UTRN: variants seen among roughly 807,000 people sequenced by gnomAD.
UTRN encodes the protein utrophin, also known as dystrophin-related protein 1.
A neutral mutation model predicts 463.9 loss-of-function variants in UTRN; 283 were observed. The observed-to-expected ratio is 0.61, with a 90% CI of 0.55 to 0.67. UTRN has a LOEUF of 0.67. UTRN is among the 30% of genes least tolerant of loss of function. The pLI is 0.00. For missense variants in UTRN, 3,922 were observed against 4,084.3 expected, an observed-to-expected ratio of 0.96 and a Z score of 1.08; for synonymous variants, 1,442 against 1,431.5, an observed-to-expected ratio of 1.01 and a Z score of -0.17.
chr6:144,566,060 A>G (rs1346442850), intron 50 of UTRN, among the ~76,000 whole-genome samples: 1 of 152,192 alleles, frequency 6.6e-6, no homozygotes, highest in East Asian at 1.9e-4. Flanking sequence ...AGAAAGTGAG[A>G]TTTAGAGAAT....
At chr6:144,764,634 T>A (rs1370690285) in intron 58 of UTRN, among the ~76,000 whole-genome samples, 2 of 152,170 alleles carry the variant, frequency 1.3e-5, no homozygotes, top group Non-Finnish European at 1.5e-5. Context: ...AAAGATTAAA[T>A]TTTTAAAACT....
At chr6:144,398,251 T>C (rs1237256549) in intron 2 of UTRN, 2 of 264,650 alleles carry the variant, frequency 7.6e-6, no homozygotes, top group Non-Finnish European at 1.5e-5. Flanking sequence ...TTTTGTTTGC[T>C]TTGGAGTTTC....
chr6:144,303,275 G>T (rs554913416), intron 2 of UTRN, among the ~76,000 whole-genome samples: 65 of 152,308 alleles, frequency 4.3e-4, no homozygotes, highest in African/African-American at 1.5e-3. Context: ...GCCTTTGTGG[G>T]ATTTGTTAGT....
At chr6:144,401,490 A>C (rs1484030453) in intron 2 of UTRN, among the ~76,000 whole-genome samples, 1 of 152,174 alleles carries the variant, frequency 6.6e-6, no homozygotes, top group Non-Finnish European at 1.5e-5. Flanking sequence ...CCTTGATCAG[A>C]TAATATAAAG....
At chr6:144,459,450 A>C (rs1343142832) in intron 21 of UTRN, 96 bp downstream of exon 21, 4 of 1,332,166 alleles carry the variant, frequency 3.0e-6, no homozygotes, top group African/African-American at 2.9e-5. Flanking sequence ...CTTGCTTTGC[A>C]CCAACCTTCT....
At chr6:144,410,474 A>G (rs1347510083) in intron 3 of UTRN, among the ~76,000 whole-genome samples, 1 of 152,014 alleles carries the variant, frequency 6.6e-6, no homozygotes, top group East Asian at 1.9e-4. Context: ...TTACATGAGT[A>G]AGTTCTTTAA....
chr6:144,795,807 C>T (rs1777160986), intron 63 of UTRN, among the ~76,000 whole-genome samples: 1 of 152,026 alleles, frequency 6.6e-6, no homozygotes, highest in Non-Finnish European at 1.5e-5. Context: ...AAAATTTTCT[C>T]CCATTTTGTA....
intron 58 of UTRN, among the ~76,000 whole-genome samples, chr6:144,765,086 A>G (rs1793140363): frequency 6.6e-6 from 1 of 152,164 alleles, no homozygotes; most frequent in South Asian, 2.1e-4. Context: ...TTCTGGGCTC[A>G]TGTAGAAATA....
At chr6:144,336,753 C>T (rs1182785772) in intron 2 of UTRN, among the ~76,000 whole-genome samples, 1 of 151,752 alleles carries the variant, frequency 6.6e-6, no homozygotes, top group Non-Finnish European at 1.5e-5. Context: ...AAATTCCTTT[C>T]TTTTTGAAGT....
rs534027890 is a variant in UTRN, at chr6:144,831,432, T to G, written c.9665+2577T>G. On this transcript the variant is annotated intron_variant, in intron 69 of 74. Transcript: ENST00000367545. ...CTGTGTTGGCTTTGAAAATGAGGAATGCAGGTGACCTCAAGGTGCTAGATG... is the reference window on the plus strand; with the variant it reads ...CTGTGTTGGCTTTGAAAATGAGGAAGGCAGGTGACCTCAAGGTGCTAGATG... 3.9e-4 allele frequency among the ~76,000 whole-genome samples: 59 copies of G among 152,146 alleles called. 1 individual carries two copies. The South Asian group carries it at 0.012, about 30-fold the overall frequency.
At chr6:144,510,811 G>A (rs1795101224) in intron 34 of UTRN, 133 bp from the exon 35 acceptor site, 1 of 723,882 alleles carries the variant, frequency 1.4e-6, no homozygotes, top group Non-Finnish European at 1.9e-6. Flanking sequence ...TGTAAACTTT[G>A]ACATTGTAAA....
At chr6:144,644,067 A>T (rs1027898568) in intron 51 of UTRN, among the ~76,000 whole-genome samples, 1 of 152,228 alleles carries the variant, frequency 6.6e-6, no homozygotes, top group Non-Finnish European at 1.5e-5. Context: ...GCAGGGAAAT[A>T]TATGAATAAG....
chr6:144,317,038 G>T (rs1165576608), intron 2 of UTRN, among the ~76,000 whole-genome samples: 3 of 152,192 alleles, frequency 2.0e-5, no homozygotes, highest in Non-Finnish European at 2.9e-5. Flanking sequence ...AACTTTGGAT[G>T]CATATTTGTC....
intron 53 of UTRN, chr6:144,706,991 G>T (rs552716080): frequency 6.6e-6 from 1 of 152,154 alleles, no homozygotes; most frequent in South Asian, 2.1e-4. Flanking sequence ...CTACTAATAG[G>T]ACTATACATA....
chr6:144,404,115 C>G (rs748120570), intron 3 of UTRN, among the ~76,000 whole-genome samples: 22 of 152,148 alleles, frequency 1.4e-4, no homozygotes, highest in Admixed American at 2.0e-4. Flanking sequence ...AAAAAATGCT[C>G]CACGTCCCAA....
chr6:144,777,070 A>G (rs1308750243), intron 60 of UTRN, among the ~76,000 whole-genome samples: 2 of 152,048 alleles, frequency 1.3e-5, no homozygotes, highest in African/African-American at 2.4e-5. Context: ...CTTCTCCATC[A>G]TGGGATGGAT....
intron 51 of UTRN, among the ~76,000 whole-genome samples, chr6:144,645,355 A>G (rs1778183639): frequency 6.6e-6 from 1 of 152,202 alleles, no homozygotes; most frequent in African/African-American, 2.4e-5. Context: ...TAGTCCTTAG[A>G]TACTGTTTTG....
chr6:144,816,709 G>A lies in UTRN; in HGVS notation c.9358-4173G>A, dbSNP rs867399753. Reference sequence around the variant, plus strand: ...TTTAAGTAGCTGGGACTGCAGGCACGTGCTGTCATGCCTAGCTTTTTTCCT... The same window carrying A: ...TTTAAGTAGCTGGGACTGCAGGCACATGCTGTCATGCCTAGCTTTTTTCCT... On this transcript the variant is annotated intron_variant, in intron 65 of 74. Transcript: ENST00000367545. Among the ~76,000 whole-genome samples the A allele has an allele frequency of 1.0e-4, 15 of 146,800 alleles. No homozygotes were observed. In the East Asian group the frequency reaches 2.2e-3, roughly 21 times the overall value.
At chr6:144,706,053 A>G (rs893852052) in intron 53 of UTRN, among the ~76,000 whole-genome samples, 1 of 152,016 alleles carries the variant, frequency 6.6e-6, no homozygotes, top group Non-Finnish European at 1.5e-5. Flanking sequence ...CGAATAGTCT[A>G]AGCATAGTTT....
Sources: gnomAD v4.1 joint callset for allele counts (sites outside exome capture counted in the v4.1 genomes callset) on GRCh38, gnomAD v4.1.1 for gene constraint, MANE v1.5 for transcripts, NCBI Gene and HGNC (gene_info 2026-07-23, HGNC 2026-07-21) for gene names.